The following DMRT2 variants were observed in gnomAD, a reference collection of about 807,000 sequenced individuals.
DMRT2 encodes the protein doublesex- and mab-3-related transcription factor 2.
In DMRT2, 33 loss-of-function variants were observed where a neutral mutation model predicts 43.5. The ratio of observed to expected loss-of-function variants is 0.76; its 90% confidence interval spans 0.58 to 1.01. The LOEUF (loss-of-function observed/expected upper bound fraction) is 1.01, where lower values mean the gene tolerates loss of function less well. Ranked by LOEUF, DMRT2 falls within the 50% of genes least tolerant of loss-of-function variation. The probability of loss-of-function intolerance (pLI) is 0.00; values close to 1 mark genes in which losing one functional copy is unlikely to be tolerated. For missense variants in DMRT2, 1,064 were observed against 748.0 expected (o/e 1.42, Z -4.93); for synonymous variants, 395 against 309.2 (o/e 1.28, Z -2.91).
chr9:1,057,077 A>G lies in DMRT2; in HGVS notation c.1490A>G (p.Glu497Gly). The change falls in exon 4 of 4, where the codon GAA (glutamate) becomes GGA (glycine). Residue 497 changes from glutamate (E) to glycine (G), a missense_variant. Physicochemically the swap from Glu to Gly is moderately conservative, Grantham distance 98. Coordinates refer to ENST00000358146, the MANE Select transcript of DMRT2 (RefSeq NM_181872.6). ...LKTPFVKEAF[E>G]ETPKKHRECL... ...ACACCATTTGTCAAAGAGGCCTTTG[A>G]AGAGACCCCTAAGAAACACAGAGAG... 2 of 1,614,210 alleles carry G rather than the reference A, an allele frequency of 1.2e-6. No homozygotes were observed. Among genetic ancestry groups the G allele is most frequent in the African/African-American group, 1.3e-5 (1 of 75,052 alleles).
At position 1,051,791 on chromosome 9, in the gene DMRT2, G is replaced by C. The variant is rs775882642; in HGVS notation, c.178G>C (p.Glu60Gln). 1.8e-5 allele frequency: 27 copies of C among 1,509,042 alleles called. No homozygotes were observed. Among genetic ancestry groups the C allele is most frequent in the African/African-American group, 1.6e-4 (11 of 68,690 alleles). The allele number at this position is 1,509,042 out of a possible 1,614,324, so 93.5% of individuals were successfully genotyped here. A position where few individuals can be genotyped will look rare whatever the true frequency, so the allele number is the denominator to read the frequency against. Residue 60 changes from glutamate to glutamine, a missense_variant, in exon 2 of 4, where the codon GAA becomes CAA. Physicochemically the swap from Glu to Gln is conservative, Grantham distance 29. Coordinates refer to ENST00000358146, the MANE Select transcript of DMRT2 (RefSeq NM_181872.6). This position sits in a 1 kb window ranked among gnomAD's most constrained non-coding sequence, Gnocchi z 5.9. ...TGACGACGGGGTGGACGAAGACGCG[G>C]AAGAAGAGGGCGACGGCGAGGAGGC... The part of the protein sequence containing the change: ...EDDDGVDEDA[E>Q]EEGDGEEAGA...
At chr9:1,055,397 C>T (rs967642078) in intron 3 of DMRT2, among the ~76,000 whole-genome samples, 1 of 152,144 alleles carries the variant, frequency 6.6e-6, no homozygotes, top group African/African-American at 2.4e-5. Context: ...CGTGCGATGA[C>T]TTAGCCTGTG....
At chr9:1,052,925 G>C (rs1821705193) in intron 2 of DMRT2, 1 of 152,400 alleles carries the variant, frequency 6.6e-6, no homozygotes, top group African/African-American at 2.4e-5. Flanking sequence ...TTTTGGCGGA[G>C]AGGAGCTGGG....
rs1011796825 is a variant in DMRT2 at position 1,056,920 on chromosome 9, C to G, written c.1333C>G (p.Leu445Val). The change falls in exon 4 of 4, where the codon CTG (leucine) becomes GTG (valine). Residue 445 changes from leucine to valine, a missense_variant. Physicochemically the swap from Leu to Val is conservative, Grantham distance 32. Coordinates refer to ENST00000358146, the MANE Select transcript of DMRT2 (RefSeq NM_181872.6). ...CTCTCCCATTGTTGACACGGACTCCCTGGCAGCTCAAGGGCATGTCTTAAC... is the reference window on the plus strand; with the variant it reads ...CTCTCCCATTGTTGACACGGACTCCGTGGCAGCTCAAGGGCATGTCTTAAC... Reference protein sequence around the residue: ...NFSPIVDTDSLAAQGHVLTKI... With the variant: ...NFSPIVDTDSVAAQGHVLTKI... The G allele has an allele frequency of 2.0e-5, 33 of 1,614,056 alleles. No homozygotes were observed. Among genetic ancestry groups the G allele is most frequent in the Admixed American group, 5.0e-5 (3 of 60,000 alleles).
rs1359707547 is a variant in DMRT2 at position 1,051,411 on chromosome 9, A to G, written c.-44-159A>G. On this transcript the variant is annotated intron_variant, in intron 1 of 3. Coordinates refer to ENST00000358146, the MANE Select transcript of DMRT2 (RefSeq NM_181872.6). This position sits in a 1 kb window ranked among gnomAD's most constrained non-coding sequence, Gnocchi z 5.9. Reference sequence around the variant, plus strand: ...GTGGATCCCTGGGGGCCCTGGAGATACAGGAAAGGCACGTGTGGCCTGGAA... The same window carrying G: ...GTGGATCCCTGGGGGCCCTGGAGATGCAGGAAAGGCACGTGTGGCCTGGAA... 6.6e-6 allele frequency among the ~76,000 whole-genome samples: 1 copy of G among 152,226 alleles called. No homozygotes were observed. The highest frequency in any genetic ancestry group is 2.4e-5 in the African/African-American group (1 of 41,462).
chr9:1,055,704 C>G lies in DMRT2; in HGVS notation c.629-512C>G, dbSNP rs761786159. The G allele has an allele frequency of 6.3e-5, 92 of 1,464,562 alleles. No homozygotes were observed. The highest frequency in any genetic ancestry group is 7.6e-5 in the Non-Finnish European group (84 of 1,098,348). The allele number at this position is 1,464,562 out of a possible 1,614,324, so 90.7% of individuals were successfully genotyped here. A position where few individuals can be genotyped will look rare whatever the true frequency, so the allele number is the denominator to read the frequency against. On this transcript the variant is annotated intron_variant, in intron 3 of 3. Transcript: ENST00000358146. ...TCGCTAATCTCCTTTAACTTTCTTTCTTTCTCTTTTTTCCTAGTTCTCCTT... is the reference window on the plus strand; with the variant it reads ...TCGCTAATCTCCTTTAACTTTCTTTGTTTCTCTTTTTTCCTAGTTCTCCTT...
rs766887797 is a variant in DMRT2, at chr9:1,051,341, C to T, written c.-44-229C>T. Among the ~76,000 whole-genome samples, 4 of 152,200 alleles carry T rather than the reference C, an allele frequency of 2.6e-5. No homozygotes were observed. Among genetic ancestry groups the T allele is most frequent in the Non-Finnish European group, 5.9e-5 (4 of 68,040 alleles). On this transcript the variant is annotated intron_variant, in intron 1 of 3. Coordinates refer to ENST00000358146, the MANE Select transcript of DMRT2 (RefSeq NM_181872.6). This position sits in a 1 kb window ranked among gnomAD's most constrained non-coding sequence, Gnocchi z 5.9. ...GAGGGCCACGGTTAAAGGTCAGGTA[C>T]TCACAGAGCACTTAGAATTAATAAA...
intron 3 of DMRT2, chr9:1,055,905 G>A: frequency 3.5e-6 from 5 of 1,439,360 alleles, no homozygotes; most frequent in Non-Finnish European, 4.5e-6. Flanking sequence ...GGGGGCCTGG[G>A]AAGAATATTA....
chr9:1,051,583 A>T lies in DMRT2; in HGVS notation c.-31A>T. On this transcript the variant is annotated 5_prime_UTR_variant, in exon 2 of 4. Transcript: ENST00000358146. The surrounding 1 kb of genome is among the most constrained non-coding windows in gnomAD (Gnocchi z 5.9). ...GTGTTTCCCCAGAGTGAGGGCCGCCAGGCTCAGGCCCCAGCGAAGCCCCGA... is the reference window on the plus strand; with the variant it reads ...GTGTTTCCCCAGAGTGAGGGCCGCCTGGCTCAGGCCCCAGCGAAGCCCCGA... 6.7e-7 allele frequency: 1 copy of T among 1,493,416 alleles called. No homozygotes were observed. The highest frequency in any genetic ancestry group is 8.8e-7 in the Non-Finnish European group (1 of 1,132,426). 92.5% of individuals were successfully genotyped at this position (1,493,416 alleles called of 1,614,324 possible).
chr9:1,056,614 G>A lies in DMRT2; in HGVS notation c.1027G>A (p.Val343Ile). Residue 343 changes from valine (V) to isoleucine (I), a missense_variant, in exon 4 of 4, where the codon GTT (valine) becomes ATT (isoleucine). Physicochemically the swap from Val to Ile is conservative, Grantham distance 29. Coordinates refer to ENST00000358146, the MANE Select transcript of DMRT2 (RefSeq NM_181872.6). ...RQYPLSSRFL[V>I]WPKCGPISDT... Reference sequence around the variant, plus strand: ...GTATCCCTTGTCCTCAAGATTTTTAGTTTGGCCCAAGTGTGGCCCCATTAG... The same window carrying A: ...GTATCCCTTGTCCTCAAGATTTTTAATTTGGCCCAAGTGTGGCCCCATTAG... 1 of 1,614,168 alleles carries A rather than the reference G, an allele frequency of 6.2e-7. No homozygotes were observed. Among genetic ancestry groups the A allele is most frequent in the Non-Finnish European group, 8.5e-7 (1 of 1,180,038 alleles).
chr9:1,052,316 A>C (rs1821653712), intron 2 of DMRT2, among the ~76,000 whole-genome samples, 178 bp downstream of exon 2: 1 of 152,280 alleles, frequency 6.6e-6, no homozygotes, highest in Middle Eastern at 3.4e-3. Context: ...GGAGGGAAAA[A>C]GCAGGCATCT....
chr9:1,056,649 C>A lies in DMRT2; in HGVS notation c.1062C>A (p.Leu354=). Residue 354 remains leucine, a synonymous_variant, in exon 4 of 4, where the codon CTC becomes CTA. Transcript: ENST00000358146. Reference sequence around the variant, plus strand: ...AGTGTGGCCCCATTAGCGACACCCTCCTCTACCAGCAATGCCTGCTAAATG... The same window carrying A: ...AGTGTGGCCCCATTAGCGACACCCTACTCTACCAGCAATGCCTGCTAAATG... ...WPKCGPISDT[L]LYQQCLLNAT... 3.7e-6 allele frequency: 6 copies of A among 1,614,214 alleles called. No individual in the cohort carries two copies. The highest frequency in any genetic ancestry group is 5.1e-6 in the Non-Finnish European group (6 of 1,180,042).
In DMRT2 at chr9:1,057,115, G is replaced by T; in HGVS notation, c.1528G>T (p.Asp510Tyr). The change falls in exon 4 of 4, where the codon GAC becomes TAC. Residue 510 changes from aspartate (D) to tyrosine (Y), a missense_variant. Transcript: ENST00000358146. Reference sequence around the variant, plus strand: ...GAAACACAGAGAGTGTTTAGTTAAGGACAACCAGAAGTACACATTTACAAT... The same window carrying T: ...GAAACACAGAGAGTGTTTAGTTAAGTACAACCAGAAGTACACATTTACAAT... ...PKKHRECLVK[D>Y]NQKYTFTIDR... 6.2e-7 allele frequency: 1 copy of T among 1,614,002 alleles called. No homozygotes were observed. The highest frequency in any genetic ancestry group is 8.5e-7 in the Non-Finnish European group (1 of 1,180,018).
Position 1,056,256 on chromosome 9 carries a change from C to A in DMRT2, c.669C>A (p.Thr223=), listed in dbSNP as rs754273874. The part of the protein sequence containing the change: ...PIPAETYVGG[T]FPLPPPVSDR... ...CAGCGGAGACTTATGTAGGAGGGAC[C>A]TTCCCTCTACCTCCCCCAGTTAGTG... The change falls in exon 4 of 4, where the codon ACC becomes ACA. Residue 223 remains threonine (T), a synonymous_variant. Transcript: ENST00000358146. The A allele has an allele frequency of 2.2e-5, 36 of 1,613,816 alleles. No individual in the cohort carries two copies. Among genetic ancestry groups the A allele is most frequent in the Non-Finnish European group, 3.1e-5 (36 of 1,179,944 alleles).
rs1221423734 is a variant in DMRT2 at position 1,056,462 on chromosome 9, T to C, written c.875T>C (p.Val292Ala). ...AAAAGTGCCTACAGCCCCAGCCCAG[T>C]GGAACCACCAAGCAAGGACTTCTGT... ...SYKSAYSPSP[V>A]EPPSKDFCNF... Residue 292 changes from valine (V) to alanine (A), a missense_variant, in exon 4 of 4, where the codon GTG becomes GCG. Physicochemically the swap from Val to Ala is moderately conservative, Grantham distance 64. Transcript: ENST00000358146. 9.3e-6 allele frequency: 15 copies of C among 1,614,098 alleles called. No individual in the cohort carries two copies. The highest frequency in any genetic ancestry group is 8.3e-5 in the Admixed American group (5 of 60,010).
chr9:1,056,124 C>T, intron 3 of DMRT2, 92 bp from the exon 4 acceptor site: 1 of 1,514,756 alleles, frequency 6.6e-7, no homozygotes, highest in South Asian at 1.4e-5. Context: ...AATTGTTCTG[C>T]TGATCTGTAG....
rs1425234705 is a variant in DMRT2 at position 1,051,546 on chromosome 9, T to C, written c.-44-24T>C. 3.5e-6 allele frequency: 5 copies of C among 1,441,642 alleles called. No individual in the cohort carries two copies. Among genetic ancestry groups the C allele is most frequent in the African/African-American group, 1.5e-5 (1 of 66,860 alleles). 89.3% of individuals were successfully genotyped at this position (1,441,642 alleles called of 1,614,324 possible). A position where few individuals can be genotyped will look rare whatever the true frequency, so the allele number is the denominator to read the frequency against. On this transcript the variant is annotated intron_variant, in intron 1 of 3. Transcript: ENST00000358146. The surrounding 1 kb of genome is among the most constrained non-coding windows in gnomAD (Gnocchi z 5.9). Reference sequence around the variant, plus strand: ...GTCCCTGACGGCGGCCGGTGGGTCTTTGGATTTCTTTGTGTTTCCCCAGAG... The same window carrying C: ...GTCCCTGACGGCGGCCGGTGGGTCTCTGGATTTCTTTGTGTTTCCCCAGAG...
Position 1,056,865 on chromosome 9 carries a change from G to A in DMRT2, c.1278G>A (p.Arg426=). 1.2e-6 allele frequency: 2 copies of A among 1,614,132 alleles called. No homozygotes were observed. The highest frequency in any genetic ancestry group is 8.5e-7 in the Non-Finnish European group (1 of 1,180,032). Residue 426 remains arginine, a synonymous_variant, in exon 4 of 4, where the codon AGG becomes AGA. Transcript: ENST00000358146. The stretch of plus-strand genomic sequence containing the variant: ...AGGGTCATCAGGCTGTCCCAGAGAG[G>A]TCCGCGTTCTCCCCACCCCGACGGA... ...DLQGHQAVPE[R]SAFSPPRRNF... is the part of the protein sequence containing the mutation.
In DMRT2 at chr9:1,051,719, G is replaced by C; in HGVS notation, c.106G>C (p.Gly36Arg). ...VCGAPRSTPP[G>R]PSPPPADGDC... is the part of the protein sequence containing the mutation. ...CGGGGCGCCGCGGTCCACGCCCCCC[G>C]GGCCCAGCCCGCCGCCGGCGGACGG... Residue 36 changes from glycine (G) to arginine (R), a missense_variant, in exon 2 of 4, where the codon GGG (glycine) becomes CGG (arginine). Physicochemically the swap from Gly to Arg is moderately radical, Grantham distance 125 (BLOSUM62 -2). Transcript: ENST00000358146. The surrounding 1 kb of genome is among the most constrained non-coding windows in gnomAD (Gnocchi z 5.9). The C allele has an allele frequency of 6.5e-7, 1 of 1,541,050 alleles. No individual in the cohort carries two copies. The highest frequency in any genetic ancestry group is 8.7e-7 in the Non-Finnish European group (1 of 1,148,590).
Sources: gnomAD v4.1 joint callset for allele counts (sites outside exome capture counted in the v4.1 genomes callset) on GRCh38, gnomAD v4.1.1 for gene constraint, Gnocchi (gnomAD v3.1) non-coding constraint, MANE v1.5 for transcripts, NCBI Gene and HGNC (gene_info 2026-07-23, HGNC 2026-07-21) for gene names.